Variants in WNK3 observed in about 807,000 individuals in gnomAD.
WNK3 encodes the protein WNK lysine deficient protein kinase 3.
Under a neutral mutation model 116.7 loss-of-function variants are expected in WNK3, and 18 were observed. The ratio of observed to expected loss-of-function variants is 0.15; its 90% CI spans 0.11 to 0.23. The LOEUF (loss-of-function observed/expected upper bound fraction) is 0.23. Among genes scored for constraint, WNK3 ranks in the 10% least tolerant of loss-of-function variants. WNK3 has a pLI of 1.00. For synonymous variants in WNK3, 404 were observed against 469.4 expected (o/e 0.86, Z 1.80); for missense variants, 993 against 1,323.8 (o/e 0.75, Z 3.88).
chrX:54,208,891 C>T lies in WNK3; in HGVS notation c.4871-6698G>A, dbSNP rs782593891. Among the ~76,000 whole-genome samples, 3 of 111,669 alleles carry T rather than the reference C, an allele frequency of 2.7e-5. No individual in the cohort carries two copies. The East Asian group carries it at 8.4e-4, about 31-fold the overall frequency. On this transcript the variant is annotated intron_variant, in intron 22 of 23. Coordinates refer to ENST00000354646, the Ensembl canonical transcript of WNK3. Reference sequence around the variant, plus strand: ...TGTTCTCTCCCTATCCTTTCTCCAGCAACAAAAAAATACAGCAACAGGTGT... The same window carrying T: ...TGTTCTCTCCCTATCCTTTCTCCAGTAACAAAAAAATACAGCAACAGGTGT...
intron 1 of WNK3, among the ~76,000 whole-genome samples, chrX:54,355,086 A>AAAT (rs1185967803): frequency 2.0e-4 from 22 of 111,005 alleles, no homozygotes; most frequent in African/African-American, 7.2e-4. Flanking sequence ...TCCCTCTAAA[A>AAAT]AATAATAATA....
chrX:54,337,546 G>A (rs1479883581), intron 1 of WNK3, among the ~76,000 whole-genome samples: 2 of 36,724 alleles, frequency 5.4e-5, no homozygotes, highest in South Asian at 1.3e-3. Flanking sequence ...GCGACAGAGC[G>A]AGACTAGTCT....
chrX:54,195,719 C>T (rs961312695), exon 24 of WNK3: 4 of 111,462 alleles, frequency 3.6e-5, no homozygotes, highest in African/African-American at 1.3e-4. Context: ...TATATGATAA[C>T]CCGGTTACTG....
Position 54,302,766 on chromosome X carries a change from T to A in WNK3, c.1090-907A>T, listed in dbSNP as rs1463061080. Among the ~76,000 whole-genome samples, 24 of 75,590 alleles carry A rather than the reference T, an allele frequency of 3.2e-4. No homozygotes were observed. The East Asian group carries it at 6.3e-3, about 20-fold the overall frequency. The allele number at this position is 75,590 out of a possible 115,157, so 65.6% of individuals were successfully genotyped here. A position where few individuals can be genotyped will look rare whatever the true frequency, so the allele number is the denominator to read the frequency against. ...ATATATATATATATATATTTTTTTT[T>A]TTTTTTTTATTTTTAAGACAGGGTC... On this transcript the variant is annotated intron_variant, in intron 5 of 23. Transcript: ENST00000354646.
chrX:54,217,014 CA>C (rs2067703445), intron 22 of WNK3, among the ~76,000 whole-genome samples: 1 of 111,525 alleles, frequency 9.0e-6, no homozygotes, highest in South Asian at 3.8e-4. Flanking sequence ...CATCTTTACA[CA>C]AATTTTAAAA....
intron 17 of WNK3, among the ~76,000 whole-genome samples, chrX:54,243,133 C>T (rs935818833): frequency 8.3e-5 from 9 of 108,198 alleles, no homozygotes; most frequent in Non-Finnish European, 1.3e-4. Flanking sequence ...AGAATTCTTA[C>T]GGCCGGGCAC....
At chrX:54,349,731 G>C (rs1445080018) in intron 1 of WNK3, among the ~76,000 whole-genome samples, 1 of 111,381 alleles carries the variant, frequency 9.0e-6, no homozygotes, top group African/African-American at 3.3e-5. Context: ...TGTGGTTTTA[G>C]CACAGAAACA....
chrX:54,327,670 G>T (rs1416511544), intron 2 of WNK3, among the ~76,000 whole-genome samples: 3 of 111,533 alleles, frequency 2.7e-5, no homozygotes, highest in African/African-American at 6.5e-5. Flanking sequence ...CTGGCAGACA[G>T]AGTGAGACTC....
At chrX:54,353,779 A>G (rs1160391124) in intron 1 of WNK3, among the ~76,000 whole-genome samples, 1 of 108,742 alleles carries the variant, frequency 9.2e-6, no homozygotes, top group Non-Finnish European at 1.9e-5. Flanking sequence ...AAAACACAGA[A>G]AACAATGTAC....
chrX:54,309,246 C>T (rs2068859212), exon 4 of WNK3: 1 of 1,209,360 alleles, frequency 8.3e-7, no homozygotes, highest in Non-Finnish European at 1.1e-6. Flanking sequence ...AGAACTGCAA[C>T]CCCTTTAAAA....
intron 22 of WNK3, among the ~76,000 whole-genome samples, chrX:54,222,915 A>AATAATAATAT (rs1491230973): frequency 1.2e-5 from 1 of 81,042 alleles, no homozygotes; most frequent in African/African-American, 5.8e-5. Context: ...TAATAATAAT[A>AATAATAATAT]ATATATATAT....
At chrX:54,355,961 A>G (rs1310006108) in intron 1 of WNK3, among the ~76,000 whole-genome samples, 2 of 111,720 alleles carry the variant, frequency 1.8e-5, no homozygotes, top group African/African-American at 6.5e-5. Flanking sequence ...TTTTGTATTC[A>G]AACTGCGGGT....
intron 10 of WNK3, among the ~76,000 whole-genome samples, chrX:54,273,742 T>C (rs781967407): frequency 1.8e-5 from 2 of 111,524 alleles, no homozygotes; most frequent in African/African-American, 6.5e-5. Flanking sequence ...AGGAGTGATT[T>C]GGGGAAGCTC....
At chrX:54,192,965 C>T (rs2067412614) in exon 24 of WNK3, 1 of 105,343 alleles carries the variant, frequency 9.5e-6, no homozygotes, top group Non-Finnish European at 2.0e-5. Flanking sequence ...ATCACAGTTT[C>T]AAAGAACCAA....
chrX:54,358,198 G>A (rs782456525), upstream of WNK3, among the ~76,000 whole-genome samples: 1 of 111,095 alleles, frequency 9.0e-6, no homozygotes, highest in Non-Finnish European at 1.9e-5. Context: ...CACGCCTCCC[G>A]CCCCCCTCGG....
At chrX:54,248,860 A>G in exon 17 of WNK3, 1 of 1,211,727 alleles carries the variant, frequency 8.3e-7, no homozygotes, top group South Asian at 1.8e-5. Context: ...ACAGTGACTG[A>G]TGGCTATGAC....
intron 21 of WNK3, among the ~76,000 whole-genome samples, chrX:54,230,289 C>G (rs1206114083): frequency 4.5e-5 from 5 of 110,768 alleles, no homozygotes; most frequent in African/African-American, 1.6e-4. Flanking sequence ...GCATGTAAAT[C>G]GACAATTATC....
intron 2 of WNK3, among the ~76,000 whole-genome samples, chrX:54,321,605 G>C (rs2069035347): frequency 9.0e-6 from 1 of 111,510 alleles, no homozygotes; most frequent in Non-Finnish European, 1.9e-5. Flanking sequence ...CGGTATAATA[G>C]TCATAATCTG....
intron 10 of WNK3, among the ~76,000 whole-genome samples, chrX:54,271,841 T>C (rs1173144668): frequency 9.0e-5 from 10 of 111,648 alleles, no homozygotes; most frequent in Non-Finnish European, 1.9e-4. Flanking sequence ...ATCTGAAAGG[T>C]TCTCCCCACT....
Sources: allele counts gnomAD v4.1 joint callset (sites outside exome capture counted in the v4.1 genomes callset), GRCh38; gene constraint gnomAD v4.1.1; transcripts MANE v1.5; gene names NCBI Gene and HGNC (gene_info 2026-07-23, HGNC 2026-07-21).